Variants in SEMA3D observed in about 807,000 individuals in gnomAD.
The protein encoded by SEMA3D is semaphorin 3D, also known as semaphorin-3D.
In SEMA3D, 84 loss-of-function variants were observed where a neutral mutation model predicts 100.1. The ratio of observed to expected loss-of-function variants is 0.84; its 90% CI spans 0.70 to 1.01. The LOEUF (loss-of-function observed/expected upper bound fraction) is 1.01. SEMA3D is among the 50% of genes least tolerant of loss of function. SEMA3D has a pLI of 0.00. For missense variants in SEMA3D, 875 were observed against 934.1 expected, an observed-to-expected ratio of 0.94 and a Z score of 0.82; for synonymous variants, 312 against 320.7, an observed-to-expected ratio of 0.97 and a Z score of 0.29.
intron 2 of SEMA3D, among the ~76,000 whole-genome samples, chr7:85,139,551 TC>T (rs1789982489): frequency 6.6e-6 from 1 of 152,046 alleles, no homozygotes; most frequent in Non-Finnish European, 1.5e-5. Context: ...TGAATGCTAT[TC>T]TTTAAGAACA....
Position 85,042,222 on chromosome 7 carries a change from T to C in SEMA3D, c.925A>G (p.Ile309Val). 6.2e-7 allele frequency: 1 copy of C among 1,613,680 alleles called. No homozygotes were observed. Among genetic ancestry groups the C allele is most frequent in the Non-Finnish European group, 8.5e-7 (1 of 1,179,746 alleles). Residue 309 changes from isoleucine (I) to valine (V), a missense_variant, in exon 10 of 19, where the codon ATT becomes GTT. By Grantham distance (29) the Ile-to-Val change is conservative (BLOSUM62 3). Transcript: ENST00000284136. ...KWTTFLKARLICSIPGSDGAD... is the reference protein window; with the variant it reads ...KWTTFLKARLVCSIPGSDGAD... ...CCATCACTTCCAGGAATTGAGCAAATCAGTCTGGCCTTAAGAAAAGTCGTC... is the reference window on the plus strand; with the variant it reads ...CCATCACTTCCAGGAATTGAGCAAACCAGTCTGGCCTTAAGAAAAGTCGTC...
the SEMA3D span, among the ~76,000 whole-genome samples, chr7:85,203,582 G>C: frequency 6.6e-6 from 1 of 152,126 alleles, no homozygotes; most frequent in East Asian, 1.9e-4. Flanking sequence ...GTTGCAAGGC[G>C]AGGCTATTTC....
intron 1 of SEMA3D, among the ~76,000 whole-genome samples, chr7:85,180,456 T>C (rs1037586967): frequency 2.0e-5 from 3 of 152,206 alleles, no homozygotes; most frequent in African/African-American, 4.8e-5. Context: ...GACTAATACA[T>C]GCATTAATCT....
At chr7:85,223,978 C>G in the SEMA3D span, among the ~76,000 whole-genome samples, 1 of 151,762 alleles carries the variant, frequency 6.6e-6, no homozygotes, top group Non-Finnish European at 1.5e-5. Flanking sequence ...CAAAGGCAGA[C>G]AGACACAGGA....
intron 5 of SEMA3D, among the ~76,000 whole-genome samples, chr7:85,079,476 T>C (rs1787989253): frequency 6.6e-6 from 1 of 152,172 alleles, no homozygotes; most frequent in Non-Finnish European, 1.5e-5. Flanking sequence ...AGCTCACAAT[T>C]ATGACTGAAT....
chr7:85,236,877 T>A, the SEMA3D span, among the ~76,000 whole-genome samples: 1 of 152,142 alleles, frequency 6.6e-6, no homozygotes, highest in African/African-American at 2.4e-5. Context: ...TAAAGAATTT[T>A]AAAAAATGTG....
At chr7:85,126,418 T>TC (rs1562828193) in intron 2 of SEMA3D, among the ~76,000 whole-genome samples, 15 of 150,506 alleles carry the variant, frequency 1.0e-4, no homozygotes, top group African/African-American at 3.4e-4. Flanking sequence ...TGTGTGTGTG[T>TC]GTGTGTGTGT....
the SEMA3D span, among the ~76,000 whole-genome samples, chr7:85,237,655 G>A: frequency 2.0e-5 from 3 of 152,104 alleles, no homozygotes; most frequent in Non-Finnish European, 4.4e-5. Context: ...ATTGCCTGAT[G>A]TACCCCAATT....
At chr7:85,227,084 C>T in the SEMA3D span, among the ~76,000 whole-genome samples, 1 of 152,072 alleles carries the variant, frequency 6.6e-6, no homozygotes, top group East Asian at 1.9e-4. Flanking sequence ...TTAATTGACT[C>T]TTTTTGTCCT....
chr7:85,209,792 T>C, the SEMA3D span, among the ~76,000 whole-genome samples: 3 of 152,160 alleles, frequency 2.0e-5, no homozygotes, highest in African/African-American at 7.2e-5. Context: ...AAACACTTTA[T>C]GTGCAACATG....
At chr7:85,206,665 C>A in the SEMA3D span, among the ~76,000 whole-genome samples, 1 of 151,958 alleles carries the variant, frequency 6.6e-6, no homozygotes, top group South Asian at 2.1e-4. Flanking sequence ...GAAAAATACT[C>A]AAATGCTTAA....
chr7:85,225,050 TTATATATATATATATATATATATA>T, the SEMA3D span, among the ~76,000 whole-genome samples: 384 of 77,396 alleles, frequency 5.0e-3, 8 homozygotes, highest in Middle Eastern at 0.031. Flanking sequence ...TGATTTTCTT[TTATATATATATATATATATATATA>T]TATATATATA....
At chr7:85,234,044 T>C in the SEMA3D span, among the ~76,000 whole-genome samples, 1 of 152,210 alleles carries the variant, frequency 6.6e-6, no homozygotes, top group African/African-American at 2.4e-5. Flanking sequence ...AGAGAATGTA[T>C]TCTTGACTTT....
chr7:85,238,702 A>G, the SEMA3D span, among the ~76,000 whole-genome samples: 1 of 152,180 alleles, frequency 6.6e-6, no homozygotes, highest in Non-Finnish European at 1.5e-5. Context: ...TACAGACTTT[A>G]GATTTAGGTT....
chr7:85,187,467 T>C (rs1324055852), upstream of SEMA3D, among the ~76,000 whole-genome samples: 2 of 152,178 alleles, frequency 1.3e-5, no homozygotes, highest in African/African-American at 2.4e-5. Flanking sequence ...TTAATGGCCT[T>C]GACAAGGCAG....
At chr7:85,036,757 G>A in intron 12 of SEMA3D, 132 bp downstream of exon 12, 2 of 668,614 alleles carry the variant, frequency 3.0e-6, no homozygotes, top group South Asian at 2.8e-5. Flanking sequence ...GGATGAAAAT[G>A]CTAATACTTC....
At chr7:85,243,990 T>G in the SEMA3D span, among the ~76,000 whole-genome samples, 1 of 152,192 alleles carries the variant, frequency 6.6e-6, no homozygotes, top group African/African-American at 2.4e-5. Flanking sequence ...TATATCTTGT[T>G]TAAGTATCTG....
intron 9 of SEMA3D, among the ~76,000 whole-genome samples, chr7:85,045,701 T>G (rs556483954): frequency 6.6e-6 from 1 of 151,890 alleles, no homozygotes; most frequent in African/African-American, 2.4e-5. Context: ...AATGTAACAA[T>G]GAGTTCTGTG....
intron 18 of SEMA3D, among the ~76,000 whole-genome samples, chr7:85,003,795 A>G (rs1361219366): frequency 6.6e-6 from 1 of 152,124 alleles, no homozygotes; most frequent in Non-Finnish European, 1.5e-5. Flanking sequence ...AGAAGTAGAT[A>G]TTAATGCAAT....
Sources: allele counts gnomAD v4.1 joint callset (sites outside exome capture counted in the v4.1 genomes callset), GRCh38; gene constraint gnomAD v4.1.1; transcripts MANE v1.5; gene names NCBI Gene and HGNC (gene_info 2026-07-23, HGNC 2026-07-21).